Variants in VCAN observed in about 807,000 individuals in gnomAD.
VCAN encodes versican core protein.
Under a neutral mutation model 245.5 loss-of-function variants are expected in VCAN, and 44 were observed. The ratio of observed to expected loss-of-function variants is 0.18; its 90% confidence interval spans 0.14 to 0.23. VCAN has a LOEUF of 0.23. VCAN is among the 10% of genes least tolerant of loss of function. The probability of loss-of-function intolerance (pLI) is 1.00; values close to 1 mark genes in which losing one functional copy is unlikely to be tolerated. For synonymous variants in VCAN, 1,413 were observed against 1,437.0 expected (o/e 0.98, Z 0.38); for missense variants, 3,793 against 4,057.9 (o/e 0.93, Z 1.77).
At chr5:83,544,275 G>A (rs1747115841) in intron 8 of VCAN, among the ~76,000 whole-genome samples, 1 of 152,240 alleles carries the variant, frequency 6.6e-6, no homozygotes, top group Non-Finnish European at 1.5e-5. Flanking sequence ...ACTCGGGGGA[G>A]TTTTTGGAGA....
intron 1 of VCAN, among the ~76,000 whole-genome samples, chr5:83,482,970 C>T (rs565173119): frequency 4.6e-5 from 7 of 152,214 alleles, no homozygotes; most frequent in South Asian, 2.1e-4. Context: ...AAAAGCCTGC[C>T]GAAGTCCTTA....
chr5:83,526,717 G>A (rs949337026), intron 7 of VCAN, among the ~76,000 whole-genome samples: 5 of 152,124 alleles, frequency 3.3e-5, no homozygotes, highest in African/African-American at 1.2e-4. Flanking sequence ...ATAGCACTAT[G>A]CATGGTGCTG....
In VCAN at chr5:83,490,184, C is replaced by T. The variant is rs201466502; in HGVS notation, c.157C>T (p.Pro53Ser). The T allele has an allele frequency of 1.2e-4, 200 of 1,614,010 alleles. No individual in the cohort carries two copies. The highest frequency in any genetic ancestry group is 1.6e-4 in the Middle Eastern group (1 of 6,082). Reference sequence around the variant, plus strand: ...TCATTTTTCAACGATGCCTACTTTGCCACCCAGTTACAACACCAGTGAATT... The same window carrying T: ...TCATTTTTCAACGATGCCTACTTTGTCACCCAGTTACAACACCAGTGAATT... ...PCHFSTMPTL[P>S]PSYNTSEFLR... Residue 53 changes from proline (P) to serine (S), a missense_variant, in exon 3 of 15, where the codon CCA becomes TCA. Around this residue, in one of 5 missense-constraint regions of VCAN, gnomAD observed 179 missense variants for 169.7 expected, o/e 1.05. Coordinates refer to ENST00000265077, the MANE Select transcript of VCAN (RefSeq NM_004385.5).
chr5:83,511,690 A>T (rs571699756), intron 5 of VCAN, among the ~76,000 whole-genome samples: 1 of 152,150 alleles, frequency 6.6e-6, no homozygotes, highest in Non-Finnish European at 1.5e-5. Context: ...CCGTGGTGGC[A>T]GTTCAATGCA....
intron 1 of VCAN, among the ~76,000 whole-genome samples, chr5:83,482,174 T>G (rs1744636960): frequency 6.6e-6 from 1 of 152,234 alleles, no homozygotes; most frequent in Admixed American, 6.5e-5. Context: ...CTCAGCTTCA[T>G]TTCCAGAGGT....
intron 7 of VCAN, chr5:83,531,223 A>C (rs905750896): frequency 6.6e-6 from 1 of 152,196 alleles, no homozygotes. Flanking sequence ...TGAAAAGTTG[A>C]TATACGGTGT....
In VCAN at chr5:83,538,068, A is replaced by G; in HGVS notation, c.5065A>G (p.Ile1689Val). Residue 1689 changes from isoleucine to valine, a missense_variant, in exon 8 of 15, where the codon ATT becomes GTT. Ile to Val is a conservative substitution (Grantham distance 29, BLOSUM62 3). Transcript: ENST00000265077. ...ESFFEVPATT[I>V]YPVSEQPSAK... ...CTTTTTTGAGGTTCCTGCAACCACC[A>G]TTTATCCAGTTTCTGAACAACCTTC... is the stretch of plus-strand genomic sequence containing the variant. 2 of 1,614,046 alleles carry G rather than the reference A, an allele frequency of 1.2e-6. No individual in the cohort carries two copies. The highest frequency in any genetic ancestry group is 1.7e-6 in the Non-Finnish European group (2 of 1,179,956).
chr5:83,572,368 G>A (rs369924752), intron 12 of VCAN, 48 bp from the exon 13 acceptor site: 41 of 1,610,758 alleles, frequency 2.5e-5, no homozygotes, highest in African/African-American at 9.3e-5. Context: ...TTGCTCTTAC[G>A]TTACTTTTTG....
chr5:83,512,497 C>T, intron 6 of VCAN, 101 bp downstream of exon 6: 2 of 1,380,816 alleles, frequency 1.4e-6, no homozygotes, highest in Non-Finnish European at 2.0e-6. Flanking sequence ...CCATGTCTTG[C>T]AGTGTGTGCA....
At position 83,519,886 on chromosome 5, in the gene VCAN, T is replaced by C; in HGVS notation, c.1580T>C (p.Leu527Pro). The C allele has an allele frequency of 6.2e-7, 1 of 1,614,140 alleles. No individual in the cohort carries two copies. Among genetic ancestry groups the C allele is most frequent in the Non-Finnish European group, 8.5e-7 (1 of 1,179,980 alleles). ...CCATTGGTAACTGCAAGAATGATCC[T>C]GGAATCCAAAACTGAAAAGAAAATG... is the stretch of plus-strand genomic sequence containing the variant. ...ETPLVTARMI[L>P]ESKTEKKMVS... The change falls in exon 7 of 15, where the codon CTG becomes CCG. Residue 527 changes from leucine to proline, a missense_variant. By Grantham distance (98) the Leu-to-Pro change is moderately conservative. Transcript: ENST00000265077.
At chr5:83,552,769 A>G (rs923228736) in intron 10 of VCAN, among the ~76,000 whole-genome samples, 1 of 152,080 alleles carries the variant, frequency 6.6e-6, no homozygotes, top group African/African-American at 2.4e-5. Context: ...GGCATTACCT[A>G]TCTTACCCTT....
chr5:83,541,971 G>C lies in VCAN; in HGVS notation c.8968G>C (p.Val2990Leu), dbSNP rs755522841. The C allele has an allele frequency of 6.2e-7, 1 of 1,613,894 alleles. No homozygotes were observed. The highest frequency in any genetic ancestry group is 1.1e-5 in the South Asian group (1 of 91,058). Residue 2990 changes from valine (V) to leucine (L), a missense_variant, in exon 8 of 15, where the codon GTG (valine) becomes CTG (leucine). Val to Leu is a conservative substitution (Grantham distance 32). Transcript: ENST00000265077. The part of the protein sequence containing the change: ...ASATYGVEAG[V>L]VPWLSPQTSE... The stretch of plus-strand genomic sequence containing the variant: ...TGCCACCTATGGGGTCGAGGCAGGT[G>C]TGGTGCCTTGGCTAAGTCCACAGAC...
At chr5:83,507,275 A>G (rs11959388) in intron 5 of VCAN, among the ~76,000 whole-genome samples, 3,980 of 152,284 alleles carry the variant, frequency 0.026, 187 homozygotes, top group African/African-American at 0.092. Flanking sequence ...CCAGGAAAGC[A>G]ACTATCCGTT....
chr5:83,543,845 C>T (rs79744464), intron 8 of VCAN, among the ~76,000 whole-genome samples: 1,729 of 152,280 alleles, frequency 0.011, 32 homozygotes, highest in African/African-American at 0.039. Flanking sequence ...AACAGCAGCT[C>T]ATATGGGATT....
intron 6 of VCAN, among the ~76,000 whole-genome samples, chr5:83,516,829 T>C (rs777129245): frequency 6.6e-5 from 10 of 152,248 alleles, no homozygotes; most frequent in Non-Finnish European, 1.5e-4. Context: ...TTGTGCTTTA[T>C]AAAATTATTT....
Position 83,521,790 on chromosome 5 carries a change from A to G in VCAN, c.3484A>G (p.Thr1162Ala). The G allele has an allele frequency of 6.2e-7, 1 of 1,614,190 alleles. No homozygotes were observed. The highest frequency in any genetic ancestry group is 8.5e-7 in the Non-Finnish European group (1 of 1,180,020). ...TTTGAGTCCTTTTAGTACCCACATT[A>G]CCCAGCTTATGGAAGAAACCACTAC... The part of the protein sequence containing the change: ...SSLSPFSTHI[T>A]QLMEETTTEK... Residue 1162 changes from threonine to alanine, a missense_variant, in exon 7 of 15, where the codon ACC (threonine) becomes GCC (alanine). Transcript: ENST00000265077.
At position 83,490,488 on chromosome 5, in the gene VCAN, T is replaced by C. The variant is rs1217600876; in HGVS notation, c.445+16T>C. ...ACTGTGGATGGTAAGGCTTTTATTATCTGCAAGAAGGTAGTATAACATGAC... is the reference window on the plus strand; with the variant it reads ...ACTGTGGATGGTAAGGCTTTTATTACCTGCAAGAAGGTAGTATAACATGAC... On this transcript the variant is annotated intron_variant, in intron 3 of 14. Coordinates refer to ENST00000265077, the MANE Select transcript of VCAN (RefSeq NM_004385.5). The C allele has an allele frequency of 6.2e-7, 1 of 1,613,376 alleles. No homozygotes were observed. Among genetic ancestry groups the C allele is most frequent in the Non-Finnish European group, 8.5e-7 (1 of 1,179,950 alleles).
At chr5:83,484,475 A>G (rs927769456) in intron 2 of VCAN, among the ~76,000 whole-genome samples, 1 of 150,756 alleles carries the variant, frequency 6.6e-6, no homozygotes, top group Non-Finnish European at 1.5e-5. Flanking sequence ...TTGCTTATCA[A>G]CATCTATCCA....
intron 7 of VCAN, chr5:83,536,800 G>A (rs1746728237): frequency 6.3e-6 from 3 of 478,838 alleles, no homozygotes; most frequent in Non-Finnish European, 1.1e-5. Context: ...TTTTAATAAT[G>A]TTAAATTGAA....
Sources: gnomAD v4.1 joint callset for allele counts (sites outside exome capture counted in the v4.1 genomes callset) on GRCh38, gnomAD v4.1.1 for gene constraint, gnomAD v4.1.1 regional missense constraint, MANE v1.5 for transcripts, NCBI Gene and HGNC (gene_info 2026-07-23, HGNC 2026-07-21) for gene names.